LARP1: variants seen among roughly 807,000 people sequenced by gnomAD.
The protein encoded by LARP1 is la-related protein 1.
Under a neutral mutation model 122.7 loss-of-function variants are expected in LARP1, and 36 were observed. The observed-to-expected ratio is 0.29, with a 90% CI of 0.22 to 0.39. The LOEUF is 0.39. Among genes scored for constraint, LARP1 ranks in the 10% least tolerant of loss-of-function variants. The pLI is 1.00. For missense variants in LARP1, 1,040 were observed against 1,403.6 expected (o/e 0.74, Z 4.14); for synonymous variants, 539 against 528.7 (o/e 1.02, Z -0.27).
chr5:154,705,403 G>A (rs976390156), intron 1 of LARP1, among the ~76,000 whole-genome samples: 13 of 151,732 alleles, frequency 8.6e-5, no homozygotes, highest in African/African-American at 1.7e-4. Context: ...ATGGAGTCTC[G>A]CTCTGTCACC....
At position 154,755,868 on chromosome 5, in the gene LARP1, C is replaced by T. The variant is rs1366899076; in HGVS notation, c.111C>T (p.Gly37=). The T allele has an allele frequency of 4.0e-6, 4 of 1,012,326 alleles. No homozygotes were observed. Among genetic ancestry groups the T allele is most frequent in the South Asian group, 3.5e-5 (1 of 28,834 alleles). The allele number at this position is 1,012,326 out of a possible 1,614,324, so 62.7% of individuals were successfully genotyped here. The part of the protein sequence containing the change: ...KKPPPAPEGK[G]EPGPNDVRGG... ...CGCCGCCGGCGCCCGAGGGCAAGGG[C>T]GAGCCCGGGCCAAACGACGTCCGCG... Residue 37 remains glycine, a synonymous_variant, in exon 1 of 19, where the codon GGC becomes GGT. Transcript: ENST00000518297.
chr5:154,748,968 G>A (rs7709764), intron 1 of LARP1, among the ~76,000 whole-genome samples: 3,748 of 152,288 alleles, frequency 0.025, 146 homozygotes, highest in African/African-American at 0.083. Flanking sequence ...CTAGGGCCTA[G>A]CAGTATCTGG....
intron 1 of LARP1, among the ~76,000 whole-genome samples, chr5:154,778,472 G>T (rs1320536301): frequency 6.6e-6 from 1 of 152,142 alleles, no homozygotes; most frequent in Non-Finnish European, 1.5e-5. Flanking sequence ...TGGGACCCAG[G>T]AATCTACGTT....
At chr5:154,783,365 C>G (rs1282229135) in intron 1 of LARP1, among the ~76,000 whole-genome samples, 2 of 152,086 alleles carry the variant, frequency 1.3e-5, no homozygotes, top group Non-Finnish European at 2.9e-5. Flanking sequence ...GGTAGGGAAA[C>G]TAGGCACTTC....
chr5:154,771,693 TG>T, intron 1 of LARP1, among the ~76,000 whole-genome samples: 1 of 152,342 alleles, frequency 6.6e-6, no homozygotes, highest in African/African-American at 2.4e-5. Flanking sequence ...GGGTGGGCTC[TG>T]GGGACATAAG....
At chr5:154,783,119 A>G (rs181962630) in intron 1 of LARP1, among the ~76,000 whole-genome samples, 3 of 152,238 alleles carry the variant, frequency 2.0e-5, no homozygotes, top group Non-Finnish European at 4.4e-5. Context: ...TTCCACAGTC[A>G]GGGTCCCTGG....
chr5:154,725,624 C>T (rs997763811), intron 1 of LARP1, among the ~76,000 whole-genome samples: 5 of 151,952 alleles, frequency 3.3e-5, no homozygotes, highest in Admixed American at 3.3e-4. Context: ...TAGAGAACTA[C>T]CAAAGCAACA....
intron 1 of LARP1, among the ~76,000 whole-genome samples, chr5:154,721,958 A>T (rs941646386): frequency 6.6e-6 from 1 of 152,114 alleles, no homozygotes. Context: ...TTGAACGTCC[A>T]GTCACTCAGT....
chr5:154,705,637 G>T (rs1453772479), intron 1 of LARP1: 1 of 152,170 alleles, frequency 6.6e-6, no homozygotes, highest in Non-Finnish European at 1.5e-5. Flanking sequence ...GCCTCCCAAA[G>T]TGCTGGGATT....
At chr5:154,795,743 AAC>A (rs1465674594) in intron 8 of LARP1, among the ~76,000 whole-genome samples, 2 of 148,144 alleles carry the variant, frequency 1.4e-5, no homozygotes, top group African/African-American at 5.0e-5. Context: ...TACCTAAATT[AAC>A]AGTTTAACAT....
intron 1 of LARP1, among the ~76,000 whole-genome samples, chr5:154,695,738 T>A (rs1754440998): frequency 6.6e-6 from 1 of 152,080 alleles, no homozygotes; most frequent in Admixed American, 6.6e-5. Context: ...CCAGGCGTGG[T>A]GACGCATACC....
At chr5:154,790,596 G>A (rs1218288869) in intron 2 of LARP1, 49 bp from the exon 3 acceptor site, 1 of 1,598,886 alleles carries the variant, frequency 6.3e-7, no homozygotes, top group Admixed American at 1.7e-5. Context: ...GGGCTGAATA[G>A]CAAAGACAGG....
At chr5:154,769,939 T>C (rs931695501) in intron 1 of LARP1, among the ~76,000 whole-genome samples, 1 of 152,108 alleles carries the variant, frequency 6.6e-6, no homozygotes, top group African/African-American at 2.4e-5. Flanking sequence ...TTTAGAGTTC[T>C]CCAAGGAGCA....
chr5:154,688,180 G>A (rs1754023884), intron 1 of LARP1, among the ~76,000 whole-genome samples: 2 of 152,156 alleles, frequency 1.3e-5, no homozygotes, highest in Non-Finnish European at 2.9e-5. Context: ...GCCTGTGGCT[G>A]CCCTGATGTT....
At chr5:154,781,272 A>C (rs1756404281) in intron 1 of LARP1, among the ~76,000 whole-genome samples, 1 of 152,046 alleles carries the variant, frequency 6.6e-6, no homozygotes, top group African/African-American at 2.4e-5. Context: ...CCGCAAGCTG[A>C]TTGTGCATAG....
At position 154,793,935 on chromosome 5, in the gene LARP1, C is replaced by T; in HGVS notation, c.1004C>T (p.Ala335Val). The T allele has an allele frequency of 6.2e-7, 1 of 1,613,934 alleles. No individual in the cohort carries two copies. Among genetic ancestry groups the T allele is most frequent in the South Asian group, 1.1e-5 (1 of 91,078 alleles). The change falls in exon 6 of 19, where the codon GCT (alanine) becomes GTT (valine). Residue 335 changes from alanine to valine, a missense_variant. By Grantham distance (64) the Ala-to-Val change is moderately conservative. Coordinates refer to ENST00000518297, the MANE Select transcript of LARP1 (RefSeq NM_033551.3). ...VKSDGAGGAR[A>V]SFRGRGRGRG... ...AGTGATGGGGCTGGTGGGGCGCGGG[C>T]TTCCTTCCGTGGCCGTGGACGGGGG...
upstream of LARP1, among the ~76,000 whole-genome samples, chr5:154,711,723 A>C (rs966439314): frequency 2.6e-5 from 4 of 152,214 alleles, no homozygotes; most frequent in African/African-American, 9.6e-5. Flanking sequence ...AAAATTCCTT[A>C]TCTATTAAGA....
At chr5:154,701,345 G>C (rs1285237535) in intron 1 of LARP1, among the ~76,000 whole-genome samples, 25 of 152,174 alleles carry the variant, frequency 1.6e-4, no homozygotes, top group Non-Finnish European at 2.9e-5. Context: ...TTTGTCACCT[G>C]ACCTGCAGAG....
chr5:154,797,775 A>G (rs545089848), intron 8 of LARP1, among the ~76,000 whole-genome samples: 70 of 152,032 alleles, frequency 4.6e-4, no homozygotes, highest in Non-Finnish European at 8.2e-4. Flanking sequence ...TGCAGCCTCA[A>G]CCGCCTGAAA....
Sources: gnomAD v4.1 joint callset for allele counts (sites outside exome capture counted in the v4.1 genomes callset) on GRCh38, gnomAD v4.1.1 for gene constraint, MANE v1.5 for transcripts, NCBI Gene and HGNC (gene_info 2026-07-23, HGNC 2026-07-21) for gene names.